PEBP4: variants seen among roughly 807,000 people sequenced by gnomAD.
PEBP4 encodes phosphatidylethanolamine-binding protein 4.
A neutral mutation model predicts 23.9 loss-of-function variants in PEBP4; 22 were observed. The ratio of observed to expected loss-of-function variants is 0.92; its 90% CI spans 0.66 to 1.31. The LOEUF (loss-of-function observed/expected upper bound fraction) is 1.31, where lower values mean the gene tolerates loss of function less well. Ranked by LOEUF, PEBP4 falls within the 40% of genes most tolerant of loss-of-function variation. PEBP4 has a pLI of 0.00. For synonymous variants in PEBP4, 112 were observed against 99.3 expected, an observed-to-expected ratio of 1.13 and a Z score of -0.76; for missense variants, 324 against 281.7, an observed-to-expected ratio of 1.15 and a Z score of -1.07.
At chr8:22,779,207 A>C (rs1805870986) in intron 4 of PEBP4, among the ~76,000 whole-genome samples, 1 of 152,154 alleles carries the variant, frequency 6.6e-6, no homozygotes, top group South Asian at 2.1e-4. Flanking sequence ...TCCCCATAGA[A>C]GGATCCAGTC....
At chr8:22,892,213 TC>T in intron 3 of PEBP4, among the ~76,000 whole-genome samples, 1 of 152,306 alleles carries the variant, frequency 6.6e-6, no homozygotes, top group South Asian at 2.1e-4. Context: ...CTAAGTAATA[TC>T]TTTTCTAAAT....
intron 4 of PEBP4, among the ~76,000 whole-genome samples, chr8:22,760,789 C>A (rs1428256513): frequency 6.6e-6 from 1 of 152,184 alleles, no homozygotes; most frequent in Non-Finnish European, 1.5e-5. Context: ...CCCCAGACAA[C>A]TAACTCACAT....
At chr8:22,729,196 C>G (rs1034727867) in intron 4 of PEBP4, among the ~76,000 whole-genome samples, 4 of 152,206 alleles carry the variant, frequency 2.6e-5, no homozygotes, top group African/African-American at 9.6e-5. Flanking sequence ...GGAGGGAAGG[C>G]CTTGACAGAT....
At chr8:22,894,831 G>A (rs1808560609) in intron 3 of PEBP4, among the ~76,000 whole-genome samples, 1 of 152,172 alleles carries the variant, frequency 6.6e-6, no homozygotes, top group Non-Finnish European at 1.5e-5. Flanking sequence ...TGGGGATGCT[G>A]AATTCATATA....
chr8:22,717,409 T>C (rs919126830), intron 6 of PEBP4, among the ~76,000 whole-genome samples: 1 of 152,200 alleles, frequency 6.6e-6, no homozygotes, highest in Non-Finnish European at 1.5e-5. Context: ...CCAAGGGACG[T>C]TTCCCACCTG....
At chr8:22,862,902 G>A (rs530381460) in intron 3 of PEBP4, among the ~76,000 whole-genome samples, 10 of 150,356 alleles carry the variant, frequency 6.7e-5, no homozygotes, top group Non-Finnish European at 1.0e-4. Flanking sequence ...CCAGGTTCAC[G>A]TCATTCTCCT....
chr8:22,890,827 C>T (rs1212371446), intron 3 of PEBP4, among the ~76,000 whole-genome samples: 1 of 152,130 alleles, frequency 6.6e-6, no homozygotes, highest in African/African-American at 2.4e-5. Flanking sequence ...ACATCTTCCC[C>T]CTTTTCTTTT....
intron 4 of PEBP4, among the ~76,000 whole-genome samples, chr8:22,768,762 C>T (rs1326373389): frequency 2.0e-5 from 3 of 152,070 alleles, no homozygotes; most frequent in East Asian, 1.9e-4. Context: ...TTTGTTGGCC[C>T]GCGGATGGTG....
chr8:22,741,907 A>G (rs1483723960), intron 4 of PEBP4, among the ~76,000 whole-genome samples: 1 of 152,172 alleles, frequency 6.6e-6, no homozygotes, highest in East Asian at 1.9e-4. Flanking sequence ...GCGCAGGGAC[A>G]CGAGGAGATG....
At chr8:22,911,861 C>T (rs1487845228) in intron 3 of PEBP4, among the ~76,000 whole-genome samples, 1 of 152,176 alleles carries the variant, frequency 6.6e-6, no homozygotes, top group Non-Finnish European at 1.5e-5. Context: ...GGTAGATCAG[C>T]GCACACAGTT....
rs1036586430 is a variant in PEBP4 at position 22,873,545 on chromosome 8, T to A, written c.258+46639A>T. 2.0e-5 allele frequency among the ~76,000 whole-genome samples: 3 copies of A among 152,138 alleles called. No individual in the cohort carries two copies. In the South Asian group the frequency reaches 6.2e-4, roughly 32 times the overall value. On this transcript the variant is annotated intron_variant, in intron 3 of 6. Transcript: ENST00000256404. Reference sequence around the variant, plus strand: ...ACTCAATGGGGCTGAGGTGGGAGGATCGCTTAAGGCCAGGTGTTCAAGGCT... The same window carrying A: ...ACTCAATGGGGCTGAGGTGGGAGGAACGCTTAAGGCCAGGTGTTCAAGGCT...
intron 3 of PEBP4, among the ~76,000 whole-genome samples, chr8:22,916,603 A>G (rs1367200027): frequency 3.3e-5 from 5 of 152,208 alleles, no homozygotes; most frequent in Non-Finnish European, 5.9e-5. Flanking sequence ...AGTTTGGCTG[A>G]CACAGCTCAT....
At chr8:22,841,335 G>T (rs1023667562) in intron 3 of PEBP4, among the ~76,000 whole-genome samples, 6 of 152,262 alleles carry the variant, frequency 3.9e-5, no homozygotes, top group Non-Finnish European at 4.4e-5. Flanking sequence ...GTTCTTTAGG[G>T]GGTAAATAAC....
intron 3 of PEBP4, among the ~76,000 whole-genome samples, chr8:22,857,078 T>C (rs140512492): frequency 1.4e-3 from 219 of 152,230 alleles, no homozygotes; most frequent in African/African-American, 5.2e-3. Flanking sequence ...TAAGATACAA[T>C]TGGTAAGTAT....
At chr8:22,932,139 A>G (rs567081717), upstream of PEBP4, among the ~76,000 whole-genome samples, 5 of 152,222 alleles carry the variant, frequency 3.3e-5, no homozygotes, top group Non-Finnish European at 5.9e-5. Context: ...AGCCAGTCGC[A>G]AAAGAGGACA....
intron 4 of PEBP4, among the ~76,000 whole-genome samples, chr8:22,747,040 G>A (rs1174593609): frequency 6.6e-6 from 1 of 152,094 alleles, no homozygotes; most frequent in Non-Finnish European, 1.5e-5. Flanking sequence ...TCAGCACATT[G>A]CCCAGGCTGG....
At chr8:22,903,741 G>T (rs1341649560) in intron 3 of PEBP4, among the ~76,000 whole-genome samples, 1 of 152,202 alleles carries the variant, frequency 6.6e-6, no homozygotes, top group African/African-American at 2.4e-5. Flanking sequence ...AGAAGCATTC[G>T]CAAATGGCAG....
intron 6 of PEBP4, among the ~76,000 whole-genome samples, chr8:22,719,041 A>G (rs748962508): frequency 2.7e-5 from 4 of 149,740 alleles, no homozygotes; most frequent in Non-Finnish European, 4.5e-5. Context: ...CAAGACTTCA[A>G]CCCCCTATGT....
intron 4 of PEBP4, among the ~76,000 whole-genome samples, chr8:22,730,893 C>T (rs924881305): frequency 5.9e-5 from 9 of 152,148 alleles, no homozygotes; most frequent in East Asian, 1.9e-4. Flanking sequence ...CAGGACTGAC[C>T]GATGAGGGAA....
Sources: allele counts gnomAD v4.1 joint callset (sites outside exome capture counted in the v4.1 genomes callset), GRCh38; gene constraint gnomAD v4.1.1; transcripts MANE v1.5; gene names NCBI Gene and HGNC (gene_info 2026-07-23, HGNC 2026-07-21).